REV3L: variants seen among roughly 807,000 people sequenced by gnomAD.
REV3L encodes DNA polymerase zeta catalytic subunit.
Under a neutral mutation model 299.4 loss-of-function variants are expected in REV3L, and 69 were observed. The ratio of observed to expected loss-of-function variants is 0.23; its 90% CI spans 0.19 to 0.28. The LOEUF is 0.28. REV3L is among the 10% of genes least tolerant of loss of function. The pLI, the probability that REV3L is intolerant of heterozygous loss-of-function variation, is 1.00. For synonymous variants in REV3L, 1,238 were observed against 1,271.4 expected, an observed-to-expected ratio of 0.97 and a Z score of 0.56; for missense variants, 3,128 against 3,693.8, an observed-to-expected ratio of 0.85 and a Z score of 3.97.
chr6:111,404,577 A>G (rs1783425760), intron 4 of REV3L, among the ~76,000 whole-genome samples: 1 of 152,212 alleles, frequency 6.6e-6, no homozygotes, highest in Non-Finnish European at 1.5e-5. Flanking sequence ...AACCTTCCAG[A>G]AAGGATTCAC....
chr6:111,374,970 A>G lies in REV3L; in HGVS notation c.3385T>C (p.Trp1129Arg). The G allele has an allele frequency of 6.2e-7, 1 of 1,612,440 alleles. No homozygotes were observed. The highest frequency in any genetic ancestry group is 2.2e-5 in the East Asian group (1 of 44,880). The change falls in exon 13 of 32, where the codon TGG becomes CGG. Residue 1129 changes from tryptophan (W) to arginine (R), a missense_variant. Around this residue, in one of 9 missense-constraint regions of REV3L, gnomAD observed 2,409 missense variants for 2,611.8 expected, o/e 0.92. Coordinates refer to ENST00000368802, the MANE Select transcript of REV3L (RefSeq NM_001372078.1). ...TCAGCTCTTGGATCTGTGGGAGACC[A>G]GCAGCGAGGTGGAGAAGAATTTATG... ...SPINSSPPRC[W>R]SPTDPRAEEI...
intron 1 of REV3L, among the ~76,000 whole-genome samples, chr6:111,456,753 A>G (rs891865545): frequency 1.2e-4 from 19 of 152,206 alleles, no homozygotes; most frequent in Non-Finnish European, 1.5e-5. Context: ...CACTGGAATC[A>G]GACATATCCA....
intron 1 of REV3L, among the ~76,000 whole-genome samples, chr6:111,470,169 A>G (rs1482303054): frequency 7.3e-6 from 1 of 136,620 alleles, no homozygotes; most frequent in Non-Finnish European, 1.5e-5. Context: ...AGGGTTTACT[A>G]TCTCTCACAC....
intron 16 of REV3L, 73 bp downstream of exon 16, chr6:111,363,780 C>A: frequency 1.4e-6 from 2 of 1,477,778 alleles, no homozygotes; most frequent in Non-Finnish European, 1.8e-6. Flanking sequence ...AAAAAAATTC[C>A]ATACTTGTTT....
Position 111,374,863 on chromosome 6 carries a change from T to C in REV3L, c.3492A>G (p.Ile1164Met). 3 of 1,613,898 alleles carry C rather than the reference T, an allele frequency of 1.9e-6. No homozygotes were observed. Among genetic ancestry groups the C allele is most frequent in the African/African-American group, 2.7e-5 (2 of 75,040 alleles). The change falls in exon 13 of 32, where the codon ATA becomes ATG. Residue 1164 changes from isoleucine to methionine, a missense_variant. Ile to Met is a conservative substitution (Grantham distance 10). Around this residue, in one of 9 missense-constraint regions of REV3L, gnomAD observed 2,409 missense variants for 2,611.8 expected, o/e 0.92. Coordinates refer to ENST00000368802, the MANE Select transcript of REV3L (RefSeq NM_001372078.1). Reference sequence around the variant, plus strand: ...GTGCTCTTGCGCGACTAGTTTTTCCTATACGAGAATTAACAGTCTTCTTAT... The same window carrying C: ...GTGCTCTTGCGCGACTAGTTTTTCCCATACGAGAATTAACAGTCTTCTTAT... ...NVYKKTVNSR[I>M]GKTSRARAQI...
At chr6:111,440,627 A>G (rs1251081500) in intron 1 of REV3L, among the ~76,000 whole-genome samples, 3 of 152,162 alleles carry the variant, frequency 2.0e-5, no homozygotes, top group Non-Finnish European at 2.9e-5. Flanking sequence ...ACAGTTACCT[A>G]TCAGTTAAGA....
chr6:111,381,734 C>T (rs548169268), intron 9 of REV3L, among the ~76,000 whole-genome samples: 1 of 151,862 alleles, frequency 6.6e-6, no homozygotes. Context: ...ACTGCATATT[C>T]AAATATATAA....
At position 111,375,304 on chromosome 6, in the gene REV3L, A is replaced by G. The variant is rs1465048485; in HGVS notation, c.3051T>C (p.Leu1017=). 6.3e-7 allele frequency: 1 copy of G among 1,591,390 alleles called. No individual in the cohort carries two copies. Among genetic ancestry groups the G allele is most frequent in the Admixed American group, 1.9e-5 (1 of 53,556 alleles). The stretch of plus-strand genomic sequence containing the variant: ...TTGGCCAAAAGTCCTTCAAAGGTGC[A>G]AGCTTTTTATATAGTTCCATTTTTT... ...TEEKMELYKK[L]APLKDFWPKV... is the part of the protein sequence containing the mutation. Residue 1017 remains leucine, a synonymous_variant, in exon 13 of 32, where the codon CTT becomes CTC. Transcript: ENST00000368802.
chr6:111,403,227 G>A (rs1562259172), intron 4 of REV3L, among the ~76,000 whole-genome samples: 1 of 152,198 alleles, frequency 6.6e-6, no homozygotes, highest in Non-Finnish European at 1.5e-5. Flanking sequence ...TTGCTCAGGA[G>A]TGGGAAACAT....
rs775062390 is a variant in REV3L at position 111,482,897 on chromosome 6, C to T, written c.-9G>A. 4 of 1,512,158 alleles carry T rather than the reference C, an allele frequency of 2.6e-6. No homozygotes were observed. The highest frequency in any genetic ancestry group is 5.2e-5 in the Admixed American group (2 of 38,724). The allele number at this position is 1,512,158 out of a possible 1,614,324, so 93.7% of individuals were successfully genotyped here. On this transcript the variant is annotated 5_prime_UTR_variant, in exon 1 of 32. Coordinates refer to ENST00000368802, the MANE Select transcript of REV3L (RefSeq NM_001372078.1). Reference sequence around the variant, plus strand: ...ATCCTTACTGAAAACATGTTCGCCGCCGCCGCCACTGCCTCCCTTCACTGG... The same window carrying T: ...ATCCTTACTGAAAACATGTTCGCCGTCGCCGCCACTGCCTCCCTTCACTGG...
rs183933949 is a variant in REV3L at position 111,447,051 on chromosome 6, G to A, written c.140-30579C>T. Among the ~76,000 whole-genome samples the A allele has an allele frequency of 1.4e-3, 211 of 152,068 alleles. 2 individuals are homozygous for A. The highest frequency in any genetic ancestry group is 0.012 in the South Asian group (58 of 4,810). On this transcript the variant is annotated intron_variant, in intron 1 of 31. Transcript: ENST00000368802. Reference sequence around the variant, plus strand: ...ACTCAGATGGTATTTCCTGAGCTTCGGTGTTTTTTATATTTGAAAACAGTT... The same window carrying A: ...ACTCAGATGGTATTTCCTGAGCTTCAGTGTTTTTTATATTTGAAAACAGTT...
intron 30 of REV3L, chr6:111,307,786 T>C: frequency 1.8e-6 from 1 of 545,180 alleles, no homozygotes; most frequent in South Asian, 2.6e-5. Context: ...ATCTTAATAT[T>C]ATCAGATACA....
intron 12 of REV3L, among the ~76,000 whole-genome samples, chr6:111,377,123 A>G (rs1780392281): frequency 6.6e-6 from 1 of 152,186 alleles, no homozygotes; most frequent in Non-Finnish European, 1.5e-5. Flanking sequence ...TTGCACAACA[A>G]ACATTAAAGT....
chr6:111,333,454 CT>C, intron 22 of REV3L, 87 bp from the exon 23 acceptor site: 2 of 1,476,792 alleles, frequency 1.4e-6, no homozygotes, highest in South Asian at 1.3e-5. Flanking sequence ...GGATAATCTG[CT>C]TTTCAGAATA....
At chr6:111,424,108 A>G (rs1329073070) in intron 1 of REV3L, among the ~76,000 whole-genome samples, 1 of 152,214 alleles carries the variant, frequency 6.6e-6, no homozygotes, top group Non-Finnish European at 1.5e-5. Context: ...TCCTGAGCCG[A>G]TATTTAAGAG....
intron 1 of REV3L, among the ~76,000 whole-genome samples, chr6:111,477,833 G>A (rs1310423601): frequency 6.6e-6 from 1 of 152,140 alleles, no homozygotes; most frequent in Non-Finnish European, 1.5e-5. Flanking sequence ...AGATCAGAAG[G>A]GGACAAAGTA....
Position 111,367,331 on chromosome 6 carries a change from G to A in REV3L, c.6457C>T (p.Pro2153Ser). 2 of 1,607,700 alleles carry A rather than the reference G, an allele frequency of 1.2e-6. No homozygotes were observed. The highest frequency in any genetic ancestry group is 1.7e-6 in the Non-Finnish European group (2 of 1,177,772). The change falls in exon 14 of 32, where the codon CCT becomes TCT. Residue 2153 changes from proline (P) to serine (S), a missense_variant. Physicochemically the swap from Pro to Ser is moderately conservative, Grantham distance 74. Coordinates refer to ENST00000368802, the MANE Select transcript of REV3L (RefSeq NM_001372078.1). ...DRPSSPVEEL[P>S]SLAFENFLKP... ...AAGAAGTTCTCAAAAGCCAATGAAG[G>A]CAGCTCCTCTACTGGTGATGAGGGT...
chr6:111,385,197 C>T (rs946138882), intron 9 of REV3L, among the ~76,000 whole-genome samples: 2 of 151,734 alleles, frequency 1.3e-5, no homozygotes, highest in Admixed American at 1.3e-4. Flanking sequence ...TAGCACAACA[C>T]AGTGACTACA....
At chr6:111,309,750 C>T in intron 30 of REV3L, 103 bp downstream of exon 30, 1 of 1,317,936 alleles carries the variant, frequency 7.6e-7, no homozygotes, top group Non-Finnish European at 1.0e-6. Flanking sequence ...TCTTCCCTTC[C>T]CAGCACTCCC....
Sources: gnomAD v4.1 joint callset for allele counts (sites outside exome capture counted in the v4.1 genomes callset) on GRCh38, gnomAD v4.1.1 for gene constraint, gnomAD v4.1.1 regional missense constraint, MANE v1.5 for transcripts, NCBI Gene and HGNC (gene_info 2026-07-23, HGNC 2026-07-21) for gene names.